The following CHD7 variants were observed in gnomAD, a reference collection of about 807,000 sequenced individuals.
The protein encoded by CHD7 is ATP-dependent chromatin remodeler CHD7.
CHD7 carries 24 observed loss-of-function variants against 307.3 expected under a neutral mutation model. The ratio of observed to expected loss-of-function variants is 0.08; its 90% CI spans 0.06 to 0.11. The LOEUF (loss-of-function observed/expected upper bound fraction) is 0.11. Ranked by LOEUF, CHD7 falls within the 10% of genes least tolerant of loss-of-function variation. CHD7 has a pLI of 1.00. For synonymous variants in CHD7, 1,363 were observed against 1,349.9 expected (o/e 1.01, Z -0.21); for missense variants, 3,106 against 3,727.1 (o/e 0.83, Z 4.34).
At chr8:60,718,447 C>G (rs1445908198) in intron 1 of CHD7, among the ~76,000 whole-genome samples, 3 of 148,422 alleles carry the variant, frequency 2.0e-5, no homozygotes, top group African/African-American at 7.5e-5. Flanking sequence ...TGCACTCCAG[C>G]ATGGGAGACA....
rs1324000413 is a variant in CHD7 at position 60,822,794 on chromosome 8, AGGTGTT to A, written c.3201+49_3201+54del. The A allele has an allele frequency of 2.8e-6, 4 of 1,447,058 alleles. No individual in the cohort carries two copies. The Admixed American group carries it at 7.0e-5, about 25-fold the overall frequency. 89.6% of individuals were successfully genotyped at this position (1,447,058 alleles called of 1,614,324 possible). On this transcript the variant is annotated intron_variant, in intron 12 of 37. Coordinates refer to ENST00000423902, the MANE Select transcript of CHD7 (RefSeq NM_017780.4). Reference sequence around the variant, plus strand: ...CTTTGTACTTACTCTGTGCATTTTAAGGTGTTAAAAAAAAATCAAAGTCTTGGTGAC... The same window carrying A: ...CTTTGTACTTACTCTGTGCATTTTAAAAAAAAAAATCAAAGTCTTGGTGAC...
intron 1 of CHD7, among the ~76,000 whole-genome samples, chr8:60,688,469 GC>G (rs1806027312): frequency 6.6e-6 from 1 of 152,144 alleles, no homozygotes; most frequent in Admixed American, 6.5e-5. Flanking sequence ...AGAATGAGTG[GC>G]CTAAAATGGT....
At chr8:60,682,855 G>A (rs1474588919) in intron 1 of CHD7, among the ~76,000 whole-genome samples, 1 of 152,192 alleles carries the variant, frequency 6.6e-6, no homozygotes, top group Non-Finnish European at 1.5e-5. Context: ...AAAATGTTTA[G>A]TCAGGTCTGA....
chr8:60,800,362 GCCA>G lies in CHD7; in HGVS notation c.2239-24_2239-22del, dbSNP rs773421171. 107 of 1,607,762 alleles carry G rather than the reference GCCA, an allele frequency of 6.7e-5. No homozygotes were observed. The Middle Eastern group carries it at 1.6e-3, about 24-fold the overall frequency. On this transcript the variant is annotated intron_variant, in intron 4 of 37. Transcript: ENST00000423902. ...TTTCTTTTTAATCATTAATTTCAAG[GCCA>G]CTGTCTTGGGTTTTTGTTTTAGAAG...
intron 4 of CHD7, among the ~76,000 whole-genome samples, 196 bp from the exon 5 acceptor site, chr8:60,800,192 G>A (rs571102339): frequency 3.9e-5 from 6 of 152,056 alleles, no homozygotes; most frequent in South Asian, 4.2e-4. Context: ...CACCACGCCC[G>A]GCTAATTTTT....
chr8:60,838,268 C>G lies in CHD7; in HGVS notation c.4533+13C>G. ...CACATTTGCTAAGGTGTGAATCGAT[C>G]TAAAGAGGCCAGGTTTTCCATAGAA... On this transcript the variant is annotated intron_variant, in intron 19 of 37. Coordinates refer to ENST00000423902, the MANE Select transcript of CHD7 (RefSeq NM_017780.4). The G allele has an allele frequency of 6.3e-7, 1 of 1,593,104 alleles. No homozygotes were observed. The highest frequency in any genetic ancestry group is 8.6e-7 in the Non-Finnish European group (1 of 1,169,302).
At chr8:60,855,441 G>T (rs559710774) in intron 32 of CHD7, among the ~76,000 whole-genome samples, 1 of 152,318 alleles carries the variant, frequency 6.6e-6, no homozygotes, top group East Asian at 1.9e-4. Context: ...AATAGGTAGG[G>T]AATGCAAATT....
chr8:60,695,389 CAG>C (rs1300198743), intron 1 of CHD7, among the ~76,000 whole-genome samples: 2 of 152,128 alleles, frequency 1.3e-5, no homozygotes, highest in African/African-American at 4.8e-5. Flanking sequence ...TGGGTACAGT[CAG>C]AATAATAGGA....
intron 2 of CHD7, among the ~76,000 whole-genome samples, chr8:60,763,372 A>G (rs1810314531): frequency 6.6e-6 from 1 of 152,178 alleles, no homozygotes; most frequent in Non-Finnish European, 1.5e-5. Context: ...CTCAGTAGCC[A>G]CACATGGCTG....
intron 2 of CHD7, among the ~76,000 whole-genome samples, chr8:60,770,700 A>G (rs1017580192): frequency 2.0e-5 from 3 of 152,060 alleles, no homozygotes; most frequent in African/African-American, 2.4e-5. Flanking sequence ...GATGATTTAC[A>G]TGGTAGTTAA....
At chr8:60,732,132 G>C (rs1227043720) in intron 1 of CHD7, among the ~76,000 whole-genome samples, 1 of 152,158 alleles carries the variant, frequency 6.6e-6, no homozygotes, top group Non-Finnish European at 1.5e-5. Context: ...AATGTCAGTG[G>C]TGTATATCAG....
rs1313715893 is a variant in CHD7, at chr8:60,865,007, G to A, written c.8077-9G>A. ...TTTATAGCCACTGTTTGCCTCCCCTGTACTCCAGGGTTTTGTTCCTGAGTC... is the reference window on the plus strand; with the variant it reads ...TTTATAGCCACTGTTTGCCTCCCCTATACTCCAGGGTTTTGTTCCTGAGTC... On this transcript the variant is annotated splice_polypyrimidine_tract_variant and intron_variant, in intron 37 of 37. Transcript: ENST00000423902. The surrounding 1 kb of genome is among the most constrained non-coding windows in gnomAD (Gnocchi z 4.3). The A allele has an allele frequency of 6.3e-7, 1 of 1,581,326 alleles. No homozygotes were observed. Among genetic ancestry groups the A allele is most frequent in the East Asian group, 2.3e-5 (1 of 43,652 alleles).
At chr8:60,771,328 G>A (rs1358044832) in intron 2 of CHD7, among the ~76,000 whole-genome samples, 1 of 152,206 alleles carries the variant, frequency 6.6e-6, no homozygotes, top group Non-Finnish European at 1.5e-5. Context: ...GGATTGAGAA[G>A]TGCTTTGGAT....
At chr8:60,784,532 G>A (rs1811403721) in intron 3 of CHD7, among the ~76,000 whole-genome samples, 1 of 152,196 alleles carries the variant, frequency 6.6e-6, no homozygotes. Flanking sequence ...CTGTGTCACT[G>A]TCAGGGAGAG....
chr8:60,799,048 C>T (rs141896137), intron 4 of CHD7, among the ~76,000 whole-genome samples: 11 of 152,262 alleles, frequency 7.2e-5, no homozygotes, highest in Middle Eastern at 3.4e-3. Context: ...CATATACATT[C>T]ATCTTTTAGC....
intron 2 of CHD7, among the ~76,000 whole-genome samples, chr8:60,753,019 G>A (rs1332472858): frequency 6.6e-6 from 1 of 152,162 alleles, no homozygotes; most frequent in African/African-American, 2.4e-5. Context: ...GCTTTAAATT[G>A]GCCCATTACT....
intron 1 of CHD7, among the ~76,000 whole-genome samples, chr8:60,707,120 T>G (rs1313145015): frequency 6.6e-6 from 1 of 152,206 alleles, no homozygotes; most frequent in African/African-American, 2.4e-5. Flanking sequence ...AAAATGACAC[T>G]ATTAAGATTC....
chr8:60,750,152 T>A (rs1809563344), intron 2 of CHD7, among the ~76,000 whole-genome samples: 1 of 152,250 alleles, frequency 6.6e-6, no homozygotes, highest in South Asian at 2.1e-4. Flanking sequence ...TTGTAGGTGA[T>A]AAGAATTTAG....
Position 60,865,768 on chromosome 8 carries a change from G to C in CHD7, c.8829G>C (p.Glu2943Asp), listed in dbSNP as rs1806217844. 1 of 1,613,882 alleles carries C rather than the reference G, an allele frequency of 6.2e-7. No homozygotes were observed. The highest frequency in any genetic ancestry group is 1.7e-5 in the Admixed American group (1 of 60,010). Residue 2943 changes from glutamate (E) to aspartate (D), a missense_variant, in exon 38 of 38, where the codon GAG (glutamate) becomes GAC (aspartate). Around this residue, in one of 10 missense-constraint regions of CHD7, gnomAD observed 351 missense variants for 366.2 expected, o/e 0.96. Coordinates refer to ENST00000423902, the MANE Select transcript of CHD7 (RefSeq NM_017780.4). The surrounding 1 kb of genome is among the most constrained non-coding windows in gnomAD (Gnocchi z 4.3). ...SSEEKAADKA[E>D]GGPFKDGETL... ...AAGAAAAGGCTGCTGACAAGGCTGA[G>C]GGAGGACCCTTTAAAGATGGAGAGA...
Sources: gnomAD v4.1 joint callset for allele counts (sites outside exome capture counted in the v4.1 genomes callset) on GRCh38, gnomAD v4.1.1 for gene constraint, gnomAD v4.1.1 regional missense constraint, Gnocchi (gnomAD v3.1) non-coding constraint, MANE v1.5 for transcripts, NCBI Gene and HGNC (gene_info 2026-07-23, HGNC 2026-07-21) for gene names.